The following KSR2 variants were observed in gnomAD, a reference collection of about 807,000 sequenced individuals.
KSR2 encodes kinase suppressor of ras 2.
A neutral mutation model predicts 107.8 loss-of-function variants in KSR2; 25 were observed. The observed-to-expected ratio is 0.23, with a 90% CI of 0.17 to 0.32. The LOEUF is 0.32. Ranked by LOEUF, KSR2 falls within the 10% of genes least tolerant of loss-of-function variation. KSR2 has a pLI of 1.00. For missense variants in KSR2, 887 were observed against 1,268.9 expected, an observed-to-expected ratio of 0.70 and a Z score of 4.57; for synonymous variants, 480 against 507.0, an observed-to-expected ratio of 0.95 and a Z score of 0.71.
chr12:117,557,517 A>T (rs1248470677), intron 8 of KSR2, among the ~76,000 whole-genome samples: 1 of 152,182 alleles, frequency 6.6e-6, no homozygotes, highest in Admixed American at 6.5e-5. Flanking sequence ...CATTTCTAAC[A>T]AGCTCCCAGG....
At chr12:117,785,376 C>G (rs192677561) in intron 3 of KSR2, among the ~76,000 whole-genome samples, 3 of 124,150 alleles carry the variant, frequency 2.4e-5, no homozygotes, top group African/African-American at 3.0e-5. Context: ...GATCCTGCCA[C>G]TGCGCTACAG....
chr12:117,472,606 T>C (rs1358686732), intron 17 of KSR2, among the ~76,000 whole-genome samples: 1 of 152,202 alleles, frequency 6.6e-6, no homozygotes, highest in African/African-American at 2.4e-5. Flanking sequence ...AAATCAACTA[T>C]TGCTAGGGTT....
At chr12:117,949,926 A>ATTTCC (rs1896310241) in intron 1 of KSR2, among the ~76,000 whole-genome samples, 1 of 152,182 alleles carries the variant, frequency 6.6e-6, no homozygotes, top group Non-Finnish European at 1.5e-5. Context: ...ATTAATGATA[A>ATTTCC]ATATACAGAC....
In KSR2 at chr12:117,455,113, G is replaced by T. The variant is rs1053506903; in HGVS notation, c.*12086C>A. 1 of 150,534 alleles carries T rather than the reference G, an allele frequency of 6.6e-6. No individual in the cohort carries two copies. The allele number at this position is 150,534 out of a possible 1,614,324, so 9.3% of individuals were successfully genotyped here. ...GAGGGATGCAGAGCAGGCCTGAGGT[G>T]GCCTGAGTACTGGTCTGACTCCAGC... On this transcript the variant is annotated 3_prime_UTR_variant, in exon 20 of 20. Transcript: ENST00000339824.
chr12:117,454,811 C>A lies in KSR2; in HGVS notation c.*12388G>T. ...TATGGCAAGACAGAACTGGGGGCCCCAGAGACATCAGAGACACAGGTCGCA... is the reference window on the plus strand; with the variant it reads ...TATGGCAAGACAGAACTGGGGGCCCAAGAGACATCAGAGACACAGGTCGCA... On this transcript the variant is annotated 3_prime_UTR_variant, in exon 20 of 20. Transcript: ENST00000339824. 1 of 152,162 alleles carries A rather than the reference C, an allele frequency of 6.6e-6. No individual in the cohort carries two copies. 9.4% of individuals were successfully genotyped at this position (152,162 alleles called of 1,614,324 possible). A position where few individuals can be genotyped will look rare whatever the true frequency, so the allele number is the denominator to read the frequency against.
intron 1 of KSR2, among the ~76,000 whole-genome samples, chr12:117,877,209 C>T (rs1010740296): frequency 1.3e-5 from 2 of 151,986 alleles, no homozygotes; most frequent in East Asian, 1.9e-4. Flanking sequence ...TGGTGGTGGG[C>T]GCCTGTAATC....
intron 5 of KSR2, among the ~76,000 whole-genome samples, chr12:117,586,423 C>T (rs983124024): frequency 6.6e-6 from 1 of 151,810 alleles, no homozygotes; most frequent in Non-Finnish European, 1.5e-5. Flanking sequence ...CCTGTCTCTA[C>T]TAAAAATACA....
At chr12:117,589,170 C>T (rs1454472712) in intron 5 of KSR2, among the ~76,000 whole-genome samples, 1 of 152,114 alleles carries the variant, frequency 6.6e-6, no homozygotes, top group Non-Finnish European at 1.5e-5. Flanking sequence ...AAAAGCCATG[C>T]CAGTCTAGAG....
chr12:117,522,765 T>A (rs1175787111), intron 14 of KSR2, among the ~76,000 whole-genome samples: 1 of 152,100 alleles, frequency 6.6e-6, no homozygotes, highest in African/African-American at 2.4e-5. Context: ...GTTGAGGATA[T>A]CCCCTGACAA....
chr12:117,463,703 C>T lies in KSR2; in HGVS notation c.*3496G>A, dbSNP rs919284856. The T allele has an allele frequency of 3.3e-5, 5 of 152,226 alleles. No homozygotes were observed. The highest frequency in any genetic ancestry group is 5.9e-5 in the Non-Finnish European group (4 of 68,044). 9.4% of individuals were successfully genotyped at this position (152,226 alleles called of 1,614,324 possible). ...CTGACAGCCCTGGGTTTAGATTTCT[C>T]AAGATAATGATTGGCCTGAGCTCCG... is the stretch of plus-strand genomic sequence containing the variant. On this transcript the variant is annotated 3_prime_UTR_variant, in exon 20 of 20. Transcript: ENST00000339824.
At chr12:117,954,973 C>T (rs1197990781) in intron 1 of KSR2, among the ~76,000 whole-genome samples, 5 of 149,842 alleles carry the variant, frequency 3.3e-5, no homozygotes, top group African/African-American at 9.9e-5. Context: ...GCTGAGATCG[C>T]GCCACTGCAC....
In KSR2 at chr12:117,667,619, G is replaced by A. The variant is rs1039720054; in HGVS notation, c.1026C>T (p.His342=). 5.0e-6 allele frequency: 8 copies of A among 1,609,312 alleles called. No homozygotes were observed. In the East Asian group the frequency reaches 1.8e-4, roughly 36 times the overall value. ...KKSKPLNLKI[H]SSVGSCENIP... ...TGTTCTCGCAGCTGCCTACGCTGCT[G>A]TGGATCTTGAGGTTCAAGGGTTTGC... The change falls in exon 5 of 20, where the codon CAC becomes CAT. Residue 342 remains histidine, a synonymous_variant. Transcript: ENST00000339824.
At chr12:117,615,102 C>T (rs968135998) in intron 5 of KSR2, among the ~76,000 whole-genome samples, 1 of 151,922 alleles carries the variant, frequency 6.6e-6, no homozygotes, top group Non-Finnish European at 1.5e-5. Flanking sequence ...GTCTAGTCTA[C>T]CCACTTTGGG....
chr12:117,785,074 G>A (rs984487476), intron 3 of KSR2, among the ~76,000 whole-genome samples: 5 of 152,150 alleles, frequency 3.3e-5, no homozygotes, highest in African/African-American at 4.8e-5. Flanking sequence ...CCAAAATTGC[G>A]TGATATGCCA....
chr12:117,835,066 C>A (rs2723279), intron 3 of KSR2, among the ~76,000 whole-genome samples: 50,108 of 151,836 alleles, frequency 0.33, 8,627 homozygotes, highest in African/African-American at 0.39. Context: ...GGCTTATGGG[C>A]CATCCATCCT....
At position 117,463,507 on chromosome 12, in the gene KSR2, C is replaced by T. The variant is rs777616397; in HGVS notation, c.*3692G>A. The T allele has an allele frequency of 2.0e-5, 3 of 152,158 alleles. No homozygotes were observed. The highest frequency in any genetic ancestry group is 2.0e-4 in the Admixed American group (3 of 15,274). The allele number at this position is 152,158 out of a possible 1,614,324, so 9.4% of individuals were successfully genotyped here. A position where few individuals can be genotyped will look rare whatever the true frequency, so the allele number is the denominator to read the frequency against. On this transcript the variant is annotated 3_prime_UTR_variant, in exon 20 of 20. Transcript: ENST00000339824. ...TCTGTCACAGTTGCATAGGAGCAGC[C>T]GTGGTTGTGTAAATGGAGAGGTGAC...
At chr12:117,482,801 G>C (rs1872249805) in intron 16 of KSR2, among the ~76,000 whole-genome samples, 1 of 152,236 alleles carries the variant, frequency 6.6e-6, no homozygotes. Context: ...AGGAGAAAGA[G>C]AGAGGTATGG....
chr12:117,963,374 C>T (rs936702193), intron 1 of KSR2, among the ~76,000 whole-genome samples: 4 of 152,068 alleles, frequency 2.6e-5, no homozygotes, highest in Admixed American at 6.6e-5. Flanking sequence ...CCAAGGCAGG[C>T]GAATCACTTG....
At chr12:117,584,488 G>C (rs1879874949) in intron 5 of KSR2, among the ~76,000 whole-genome samples, 1 of 152,086 alleles carries the variant, frequency 6.6e-6, no homozygotes, top group Non-Finnish European at 1.5e-5. Flanking sequence ...TTCATTTCAG[G>C]GGCCACTAGT....
Sources: gnomAD v4.1 joint callset for allele counts (sites outside exome capture counted in the v4.1 genomes callset) on GRCh38, gnomAD v4.1.1 for gene constraint, MANE v1.5 for transcripts, NCBI Gene and HGNC (gene_info 2026-07-23, HGNC 2026-07-21) for gene names.